VEPH1: variants seen among roughly 807,000 people sequenced by gnomAD.
VEPH1 encodes the protein ventricular zone expressed PH domain containing 1.
A neutral mutation model predicts 85.2 loss-of-function variants in VEPH1; 80 were observed. The observed-to-expected ratio is 0.94, with a 90% CI of 0.78 to 1.13. The LOEUF (loss-of-function observed/expected upper bound fraction) is 1.13, where lower values mean the gene tolerates loss of function less well. Among genes scored for constraint, VEPH1 ranks in the 50% most tolerant of loss-of-function variants. VEPH1 has a pLI of 0.00. For missense variants in VEPH1, 955 were observed against 980.5 expected (o/e 0.97, Z 0.35); for synonymous variants, 297 against 348.0 (o/e 0.85, Z 1.63).
At chr3:157,329,722 T>C (rs1048844498) in intron 9 of VEPH1, among the ~76,000 whole-genome samples, 4 of 152,158 alleles carry the variant, frequency 2.6e-5, no homozygotes, top group East Asian at 3.9e-4. Context: ...GTTATTCAGC[T>C]TCCAGAAACT....
chr3:157,302,542 T>C (rs1171946546), intron 11 of VEPH1, among the ~76,000 whole-genome samples: 2 of 152,164 alleles, frequency 1.3e-5, no homozygotes, highest in Admixed American at 1.3e-4. Context: ...GACACAGCAT[T>C]TGGGTGACAT....
At chr3:157,420,705 T>C (rs748251992) in intron 5 of VEPH1, among the ~76,000 whole-genome samples, 3 of 152,198 alleles carry the variant, frequency 2.0e-5, no homozygotes, top group Non-Finnish European at 4.4e-5. Context: ...ATAGGAATGC[T>C]CTACACTGTT....
rs530620182 is a variant in VEPH1, at chr3:157,428,361, T to G, written c.657A>C (p.Leu219=). 2.5e-6 allele frequency: 4 copies of G among 1,614,090 alleles called. No individual in the cohort carries two copies. The African/African-American group carries it at 4.0e-5, about 16-fold the overall frequency. The change falls in exon 5 of 14, where the codon CTA becomes CTC. Residue 219 remains leucine, a synonymous_variant. Coordinates refer to ENST00000362010, the MANE Select transcript of VEPH1 (RefSeq NM_001167912.2). ...TCTTTGCTGCTACATGCAAAAGCCG[T>G]AGTAGATGGTACTGTTCTGGCTGTT... is the stretch of plus-strand genomic sequence containing the variant. ...QLEQPEQYHL[L]RLLHVAAKKK...
chr3:157,362,875 A>T (rs1012233573), intron 9 of VEPH1, among the ~76,000 whole-genome samples: 1 of 152,140 alleles, frequency 6.6e-6, no homozygotes, highest in African/African-American at 2.4e-5. Flanking sequence ...AAACTCTAAG[A>T]GGTCAGGAAT....
At chr3:157,461,597 G>T (rs1735880348) in intron 3 of VEPH1, among the ~76,000 whole-genome samples, 1 of 152,104 alleles carries the variant, frequency 6.6e-6, no homozygotes, top group African/African-American at 2.4e-5. Flanking sequence ...ATGAAATGTA[G>T]AACTCCACCT....
chr3:157,302,815 C>A (rs1171229855), intron 11 of VEPH1, among the ~76,000 whole-genome samples: 3 of 152,316 alleles, frequency 2.0e-5, no homozygotes, highest in Middle Eastern at 3.4e-3. Context: ...GATTAACTCT[C>A]CAGTCTCCAC....
chr3:157,376,330 A>T (rs73873658), intron 7 of VEPH1, among the ~76,000 whole-genome samples: 204 of 152,280 alleles, frequency 1.3e-3, no homozygotes, highest in African/African-American at 4.5e-3. Flanking sequence ...TCTTCTAGGC[A>T]ATGATCACTC....
intron 12 of VEPH1, among the ~76,000 whole-genome samples, chr3:157,266,648 T>A (rs1204927799): frequency 6.6e-6 from 1 of 152,202 alleles, no homozygotes; most frequent in Non-Finnish European, 1.5e-5. Context: ...GGACTAATTT[T>A]ACATTGAAGC....
chr3:157,325,823 T>C (rs1419181248), intron 9 of VEPH1, among the ~76,000 whole-genome samples: 1 of 152,188 alleles, frequency 6.6e-6, no homozygotes, highest in East Asian at 1.9e-4. Flanking sequence ...AGGCTCTTCT[T>C]TGGTTCCAGG....
intron 7 of VEPH1, among the ~76,000 whole-genome samples, chr3:157,373,563 A>G (rs958281930): frequency 1.2e-4 from 18 of 152,218 alleles, no homozygotes; most frequent in Admixed American, 1.2e-3. Flanking sequence ...CAAAATAGTG[A>G]ATAGCTAGGT....
chr3:157,294,923 C>A (rs987675275), intron 11 of VEPH1, among the ~76,000 whole-genome samples: 4 of 152,134 alleles, frequency 2.6e-5, no homozygotes, highest in African/African-American at 9.7e-5. Flanking sequence ...CTTGGGTTGT[C>A]AAGCTGGAGA....
chr3:157,267,520 C>T (rs1466360798), intron 12 of VEPH1, among the ~76,000 whole-genome samples: 1 of 151,982 alleles, frequency 6.6e-6, no homozygotes, highest in African/African-American at 2.4e-5. Context: ...CGCAGCAGCT[C>T]ATGCCTGTAA....
At chr3:157,297,104 A>G (rs1000840149) in intron 11 of VEPH1, among the ~76,000 whole-genome samples, 7 of 152,162 alleles carry the variant, frequency 4.6e-5, no homozygotes, top group African/African-American at 1.7e-4. Flanking sequence ...CCCCATCTCA[A>G]AAAAAAGCAG....
chr3:157,281,860 T>G (rs1422843798), intron 12 of VEPH1, among the ~76,000 whole-genome samples: 1 of 152,146 alleles, frequency 6.6e-6, no homozygotes, highest in Non-Finnish European at 1.5e-5. Flanking sequence ...TTTTATCACT[T>G]TTAAAGTTCT....
chr3:157,356,573 C>G (rs1173137804), intron 9 of VEPH1, among the ~76,000 whole-genome samples: 3 of 152,120 alleles, frequency 2.0e-5, no homozygotes, highest in Admixed American at 2.0e-4. Flanking sequence ...TACCCTCCTC[C>G]ACCCCCACCT....
intron 2 of VEPH1, among the ~76,000 whole-genome samples, chr3:157,474,816 G>A (rs76915387): frequency 0.022 from 3,223 of 146,260 alleles, 99 homozygotes; most frequent in African/African-American, 0.076. Context: ...AATTTGGCAT[G>A]GTGTTAAAAA....
intron 4 of VEPH1, chr3:157,436,742 C>A: frequency 2.1e-6 from 1 of 473,984 alleles, no homozygotes; most frequent in Non-Finnish European, 3.7e-6. Context: ...CCCCCTCCCC[C>A]ACCAAATTCA....
In VEPH1 at chr3:157,388,734, T is replaced by C. The variant is rs574123012; in HGVS notation, c.907-7358A>G. On this transcript the variant is annotated intron_variant, in intron 6 of 13. Transcript: ENST00000362010. ...GAAAACAATATAACGATAAAAATAATACAAATAGAAACACAGAATAACAAC... is the reference window on the plus strand; with the variant it reads ...GAAAACAATATAACGATAAAAATAACACAAATAGAAACACAGAATAACAAC... Among the ~76,000 whole-genome samples, 5 of 152,148 alleles carry C rather than the reference T, an allele frequency of 3.3e-5. No individual in the cohort carries two copies. The East Asian group carries it at 9.7e-4, about 29-fold the overall frequency.
intron 6 of VEPH1, among the ~76,000 whole-genome samples, chr3:157,383,029 G>A (rs1288673594): frequency 1.3e-5 from 2 of 151,742 alleles, no homozygotes; most frequent in Non-Finnish European, 2.9e-5. Flanking sequence ...GTAGAGACAG[G>A]GTCTCACCGT....
Sources: gnomAD v4.1 joint callset for allele counts (sites outside exome capture counted in the v4.1 genomes callset) on GRCh38, gnomAD v4.1.1 for gene constraint, MANE v1.5 for transcripts, NCBI Gene and HGNC (gene_info 2026-07-23, HGNC 2026-07-21) for gene names.